Variants in HSPBP1 observed in about 807,000 individuals in gnomAD.
HSPBP1 encodes HSPA (Hsp70) binding protein 1.
A neutral mutation model predicts 41.7 loss-of-function variants in HSPBP1; 31 were observed. That is an observed-to-expected ratio of 0.74 (90% CI 0.56 to 1.00). The LOEUF is 1.00. HSPBP1 is among the 50% of genes least tolerant of loss of function. The pLI is 0.00. For synonymous variants in HSPBP1, 199 were observed against 214.4 expected, an observed-to-expected ratio of 0.93 and a Z score of 0.63; for missense variants, 439 against 487.9, an observed-to-expected ratio of 0.90 and a Z score of 0.94.
At chr19:55,274,726 A>G in intron 3 of HSPBP1, 104 bp from the exon 4 acceptor site, 1 of 950,264 alleles carries the variant, frequency 1.1e-6, no homozygotes, top group East Asian at 2.6e-5. Context: ...TTGGAATGTG[A>G]CTGTTTTTGG....
chr19:55,279,234 C>A (rs557568113), intron 2 of HSPBP1, among the ~76,000 whole-genome samples, 165 bp downstream of exon 2: 1 of 152,258 alleles, frequency 6.6e-6, no homozygotes, highest in East Asian at 1.9e-4. Context: ...TCAACGATAA[C>A]CCCATCTAGC....
In HSPBP1 at chr19:55,279,530, C is replaced by T. The variant is rs750796651; in HGVS notation, c.79G>A (p.Gly27Ser). The change falls in exon 2 of 8, where the codon GGC (glycine) becomes AGC (serine). Residue 27 changes from glycine to serine, a missense_variant. Physicochemically the swap from Gly to Ser is moderately conservative, Grantham distance 56. Coordinates refer to ENST00000433386, the MANE Select transcript of HSPBP1 (RefSeq NM_012267.5). ...PASQGCSSGG[G>S]GGGSSAGGSG... ...CCCCCAGCCGAGGAGCCGCCGCCGC[C>T]GCCCCCTGAAGAGCAACCCTGGGAG... 8 of 1,609,976 alleles carry T rather than the reference C, an allele frequency of 5.0e-6. No homozygotes were observed. The Admixed American group carries it at 6.7e-5, about 14-fold the overall frequency.
rs559769548 is a variant in HSPBP1 at position 55,265,080 on chromosome 19, C to G, written c.1005+198G>C. On this transcript the variant is annotated intron_variant, in intron 7 of 7. Coordinates refer to ENST00000433386, the MANE Select transcript of HSPBP1 (RefSeq NM_012267.5). The stretch of plus-strand genomic sequence containing the variant: ...ACACGATCCTCCTCGAACCCCATCC[C>G]CTGCCCCTCACACCTAGTCCTCCTT... Among the ~76,000 whole-genome samples the G allele has an allele frequency of 9.3e-5, 14 of 151,302 alleles. No individual in the cohort carries two copies. The East Asian group carries it at 2.7e-3, about 30-fold the overall frequency.
At chr19:55,273,237 G>A (rs887817211) in intron 4 of HSPBP1, among the ~76,000 whole-genome samples, 1 of 152,120 alleles carries the variant, frequency 6.6e-6, no homozygotes, top group East Asian at 1.9e-4. Flanking sequence ...CAATTCTCCC[G>A]CCTCGGCCTC....
chr19:55,279,095 T>C (rs995746345), intron 2 of HSPBP1, among the ~76,000 whole-genome samples: 2 of 151,984 alleles, frequency 1.3e-5, no homozygotes, highest in African/African-American at 4.8e-5. Context: ...AATTTGTAAA[T>C]GAAGAACTTG....
chr19:55,266,484 C>A (rs112400150), intron 4 of HSPBP1, among the ~76,000 whole-genome samples, 198 bp from the exon 5 acceptor site: 1 of 918 alleles, frequency 1.1e-3, no homozygotes, highest in Non-Finnish European at 2.2e-3. Context: ...ATCCTCACCA[C>A]CACCACCATC....
At chr19:55,269,186 T>C (rs1407208605) in intron 4 of HSPBP1, among the ~76,000 whole-genome samples, 4 of 152,114 alleles carry the variant, frequency 2.6e-5, no homozygotes, top group African/African-American at 9.7e-5. Context: ...GTCCTGTGCA[T>C]TGCAGGATGT....
At position 55,262,334 on chromosome 19, in the gene HSPBP1, G is replaced by T. The variant is rs928310757; in HGVS notation, c.*274C>A. The T allele has an allele frequency of 1.2e-5, 15 of 1,265,756 alleles. No individual in the cohort carries two copies. The highest frequency in any genetic ancestry group is 7.0e-6 in the Non-Finnish European group (7 of 995,740). 78.4% of individuals were successfully genotyped at this position (1,265,756 alleles called of 1,614,324 possible). A position where few individuals can be genotyped will look rare whatever the true frequency, so the allele number is the denominator to read the frequency against. On this transcript the variant is annotated 3_prime_UTR_variant, in exon 8 of 8. Transcript: ENST00000433386. ...ACCCTCCAAAGGAGATGACAAAGGC[G>T]GCAGTGAAGGAGGAGAAGGAGGAAG... is the stretch of plus-strand genomic sequence containing the variant.
At chr19:55,279,127 T>C (rs1004852340) in intron 2 of HSPBP1, among the ~76,000 whole-genome samples, 1 of 151,868 alleles carries the variant, frequency 6.6e-6, no homozygotes, top group African/African-American at 2.4e-5. Context: ...GATGAAGTAA[T>C]ATACCCAAGG....
chr19:55,272,400 T>G lies in HSPBP1; in HGVS notation c.640+1998A>C, dbSNP rs2087947117. 6.6e-6 allele frequency among the ~76,000 whole-genome samples: 1 copy of G among 152,160 alleles called. No homozygotes were observed. Among genetic ancestry groups the G allele is most frequent in the Non-Finnish European group, 1.5e-5 (1 of 68,028 alleles). ...GCCAGGCAGAAAAGGCCTCACGGTGTGGGATTCCGTTTGTACAAATGTCCC... is the reference window on the plus strand; with the variant it reads ...GCCAGGCAGAAAAGGCCTCACGGTGGGGGATTCCGTTTGTACAAATGTCCC... On this transcript the variant is annotated intron_variant, in intron 4 of 7. Coordinates refer to ENST00000433386, the MANE Select transcript of HSPBP1 (RefSeq NM_012267.5). This position sits in a 1 kb window ranked among gnomAD's most constrained non-coding sequence, Gnocchi z 4.2.
At chr19:55,271,673 C>T (rs2087926755) in intron 4 of HSPBP1, among the ~76,000 whole-genome samples, 1 of 152,212 alleles carries the variant, frequency 6.6e-6, no homozygotes, top group South Asian at 2.1e-4. Context: ...TTCCAGGACT[C>T]AGGATACATG....
At chr19:55,276,154 C>T (rs138233545) in intron 3 of HSPBP1, among the ~76,000 whole-genome samples, 297 of 142,690 alleles carry the variant, frequency 2.1e-3, no homozygotes, top group African/African-American at 7.3e-3. Flanking sequence ...CACGCCACAA[C>T]ATGGGCACGC....
rs1304657568 is a variant in HSPBP1, at chr19:55,272,056, C to T, written c.640+2342G>A. Among the ~76,000 whole-genome samples the T allele has an allele frequency of 4.0e-5, 6 of 151,124 alleles. No homozygotes were observed. The highest frequency in any genetic ancestry group is 1.3e-4 in the Admixed American group (2 of 15,172). ...CAGCCTGGGCCACAGAGCGAGACTC[C>T]GTCTCAAGAAACAAAAAAAGAAAAA... On this transcript the variant is annotated intron_variant, in intron 4 of 7. Coordinates refer to ENST00000433386, the MANE Select transcript of HSPBP1 (RefSeq NM_012267.5). This position sits in a 1 kb window ranked among gnomAD's most constrained non-coding sequence, Gnocchi z 4.2.
intron 3 of HSPBP1, among the ~76,000 whole-genome samples, chr19:55,276,104 C>CAAAAAAAAAAAAA: frequency 1.5e-5 from 1 of 65,992 alleles, no homozygotes; most frequent in Non-Finnish European, 2.8e-5. Context: ...GAGACTGACT[C>CAAAAAAAAAAAAA]AAAAAAAAAA....
Position 55,279,548 on chromosome 19 carries a change from C to G in HSPBP1, c.61G>C (p.Gly21Arg). Residue 21 changes from glycine to arginine, a missense_variant, in exon 2 of 8, where the codon GGT (glycine) becomes CGT (arginine). Coordinates refer to ENST00000433386, the MANE Select transcript of HSPBP1 (RefSeq NM_012267.5). ...CCGCCGCCGCCCCCTGAAGAGCAACCCTGGGAGGCCGGGGGCAGCGCCAGG... is the reference window on the plus strand; with the variant it reads ...CCGCCGCCGCCCCCTGAAGAGCAACGCTGGGAGGCCGGGGGCAGCGCCAGG... ...LPLALPPASQ[G>R]CSSGGGGGGS... 1 of 1,557,730 alleles carries G rather than the reference C, an allele frequency of 6.4e-7. No individual in the cohort carries two copies. Among genetic ancestry groups the G allele is most frequent in the Non-Finnish European group, 8.7e-7 (1 of 1,143,620 alleles).
At chr19:55,265,465 T>C (rs545246442) in intron 6 of HSPBP1, 76 bp from the exon 7 acceptor site, 6 of 1,105,962 alleles carry the variant, frequency 5.4e-6, no homozygotes, top group Admixed American at 1.7e-5. Context: ...GCCCGCCCCG[T>C]CCCCTGGCTC....
At chr19:55,269,910 C>T (rs890259740) in intron 4 of HSPBP1, among the ~76,000 whole-genome samples, 2 of 152,162 alleles carry the variant, frequency 1.3e-5, no homozygotes, top group South Asian at 2.1e-4. Flanking sequence ...ATGTGCCACT[C>T]TGGTAGACTG....
In HSPBP1 at chr19:55,262,614, A is replaced by G. The variant is rs1365553047; in HGVS notation, c.1074T>C (p.Asp358=). The change falls in exon 8 of 8, where the codon GAT becomes GAC. Residue 358 remains aspartate, a synonymous_variant. Transcript: ENST00000433386. ...CFSSPADDSM[D]R ...GGCAAGAAGCCACCTGGTTTCACCG[A>G]TCCATGCTGTCGTCCGCTGGGCTGG... 6.2e-6 allele frequency: 10 copies of G among 1,613,838 alleles called. No individual in the cohort carries two copies. The highest frequency in any genetic ancestry group is 7.6e-6 in the Non-Finnish European group (9 of 1,179,834).
chr19:55,274,280 A>T (rs1401628251), intron 4 of HSPBP1, 118 bp downstream of exon 4: 1 of 994,710 alleles, frequency 1.0e-6, no homozygotes, highest in Non-Finnish European at 1.5e-6. Flanking sequence ...TCCAACAAGC[A>T]TGGGAACAAA....
Sources: gnomAD v4.1 joint callset for allele counts (sites outside exome capture counted in the v4.1 genomes callset) on GRCh38, gnomAD v4.1.1 for gene constraint, Gnocchi (gnomAD v3.1) non-coding constraint, MANE v1.5 for transcripts, NCBI Gene and HGNC (gene_info 2026-07-23, HGNC 2026-07-21) for gene names.